The following TRIP12 variants were observed in gnomAD, a reference collection of about 807,000 sequenced individuals.
TRIP12 encodes thyroid hormone receptor interactor 12.
TRIP12 carries 25 observed loss-of-function variants against 244.2 expected under a neutral mutation model. That is an observed-to-expected ratio of 0.10 (90% CI 0.07 to 0.14). The LOEUF (loss-of-function observed/expected upper bound fraction) is 0.14, where lower values mean the gene tolerates loss of function less well. Among genes scored for constraint, TRIP12 ranks in the 10% least tolerant of loss-of-function variants. TRIP12 has a pLI of 1.00. For missense variants in TRIP12, 1,677 were observed against 2,486.4 expected, an observed-to-expected ratio of 0.67 and a Z score of 6.92; for synonymous variants, 905 against 873.1, an observed-to-expected ratio of 1.04 and a Z score of -0.64.
intron 40 of TRIP12, 101 bp downstream of exon 40, chr2:229,769,130 C>A: frequency 1.0e-6 from 1 of 987,226 alleles, no homozygotes; most frequent in Non-Finnish European, 1.5e-6. Flanking sequence ...TGAACCACTC[C>A]AACTTTTGTT....
chr2:229,830,067 G>C (rs1307525417), intron 7 of TRIP12, among the ~76,000 whole-genome samples: 1 of 152,132 alleles, frequency 6.6e-6, no homozygotes, highest in Non-Finnish European at 1.5e-5. Flanking sequence ...TACATTTATT[G>C]TAAGCCTCAC....
chr2:229,867,255 T>A (rs1412419711), intron 2 of TRIP12, among the ~76,000 whole-genome samples: 1 of 150,344 alleles, frequency 6.7e-6, no homozygotes, highest in East Asian at 2.0e-4. Context: ...AACCTCTGCC[T>A]CCTGGGTTCA....
Position 229,765,793 on chromosome 2 carries a change from A to G in TRIP12, c.*1761T>C, listed in dbSNP as rs73099227. 1 of 152,318 alleles carries G rather than the reference A, an allele frequency of 6.6e-6. No homozygotes were observed. The highest frequency in any genetic ancestry group is 2.1e-4 in the South Asian group (1 of 4,832). 9.4% of individuals were successfully genotyped at this position (152,318 alleles called of 1,614,324 possible). ...TCAGCAACTGTGCTGTTAGTGGTGA[A>G]AACTGCAGAAACACAATTCCCTTCT... On this transcript the variant is annotated 3_prime_UTR_variant, in exon 42 of 42. Transcript: ENST00000675903.
chr2:229,891,506 G>A (rs552850367), intron 1 of TRIP12, among the ~76,000 whole-genome samples: 122 of 152,162 alleles, frequency 8.0e-4, no homozygotes, highest in African/African-American at 2.6e-3. Context: ...AGGTGGTGAG[G>A]TGGGAGGACT....
intron 1 of TRIP12, among the ~76,000 whole-genome samples, chr2:229,904,251 C>CACTATGTACTAAAATTTTG (rs1211549530): frequency 1.3e-5 from 2 of 151,724 alleles, no homozygotes; most frequent in Non-Finnish European, 2.9e-5. Context: ...AACCCTGTCT[C>CACTATGTACTAAAATTTTG]TACTAAAACT....
At chr2:229,781,353 C>G (rs2038100173) in intron 34 of TRIP12, among the ~76,000 whole-genome samples, 1 of 152,236 alleles carries the variant, frequency 6.6e-6, no homozygotes, top group African/African-American at 2.4e-5. Context: ...TCTCTCAAAA[C>G]TAACACATAC....
At chr2:229,862,106 G>A (rs1213116393) in intron 2 of TRIP12, among the ~76,000 whole-genome samples, 1 of 152,098 alleles carries the variant, frequency 6.6e-6, no homozygotes, top group African/African-American at 2.4e-5. Context: ...GCCCAGGCTG[G>A]AGTGCAGCGA....
At chr2:229,870,024 T>C (rs976772385) in intron 2 of TRIP12, among the ~76,000 whole-genome samples, 1 of 152,222 alleles carries the variant, frequency 6.6e-6, no homozygotes, top group African/African-American at 2.4e-5. Context: ...CACACCAGGC[T>C]TATCACTGTG....
chr2:229,913,429 A>T (rs1272012028), intron 1 of TRIP12, among the ~76,000 whole-genome samples: 3 of 152,244 alleles, frequency 2.0e-5, no homozygotes, highest in Admixed American at 2.0e-4. Flanking sequence ...ATATTCTGTC[A>T]AGCACAATTG....
intron 2 of TRIP12, among the ~76,000 whole-genome samples, chr2:229,877,047 G>T (rs2063726200): frequency 6.6e-6 from 1 of 150,678 alleles, no homozygotes; most frequent in South Asian, 2.2e-4. Flanking sequence ...AAGTAATTGT[G>T]ATTTTTGCTA....
At chr2:229,913,716 G>C (rs1222163564) in intron 1 of TRIP12, among the ~76,000 whole-genome samples, 1 of 152,136 alleles carries the variant, frequency 6.6e-6, no homozygotes, top group Non-Finnish European at 1.5e-5. Flanking sequence ...TGTCACACCA[G>C]AACACACTAC....
intron 11 of TRIP12, among the ~76,000 whole-genome samples, chr2:229,814,645 C>T (rs989511171): frequency 2.0e-5 from 3 of 152,146 alleles, no homozygotes; most frequent in Admixed American, 6.5e-5. Context: ...TTTAACTTTA[C>T]ACCATACTGC....
intron 2 of TRIP12, among the ~76,000 whole-genome samples, 167 bp from the exon 3 acceptor site, chr2:229,860,698 C>A (rs2060326612): frequency 6.6e-6 from 1 of 152,158 alleles, no homozygotes; most frequent in Admixed American, 6.5e-5. Context: ...ACTAAATAAT[C>A]TGGCAAAAAG....
chr2:229,779,063 T>C (rs1353032297), intron 34 of TRIP12, 73 bp from the exon 35 acceptor site: 13 of 1,199,416 alleles, frequency 1.1e-5, no homozygotes, highest in Admixed American at 1.7e-5. Context: ...CTCTTGGAAA[T>C]GTGCACACTA....
In TRIP12 at chr2:229,766,796, A is replaced by G. The variant is rs1355978032; in HGVS notation, c.*758T>C. 3 of 152,234 alleles carry G rather than the reference A, an allele frequency of 2.0e-5. No homozygotes were observed. The highest frequency in any genetic ancestry group is 4.4e-5 in the Non-Finnish European group (3 of 68,040). 9.4% of individuals were successfully genotyped at this position (152,234 alleles called of 1,614,324 possible). The stretch of plus-strand genomic sequence containing the variant: ...AGAGGCTGTTGCTGCTGGAATTGCC[A>G]TGTAAACAGTCCTTAGTGTGTCACC... On this transcript the variant is annotated 3_prime_UTR_variant, in exon 42 of 42. Transcript: ENST00000675903.
chr2:229,783,809 TTA>T (rs1491418207), intron 34 of TRIP12, among the ~76,000 whole-genome samples: 31 of 140,418 alleles, frequency 2.2e-4, no homozygotes, highest in African/African-American at 8.2e-4. Flanking sequence ...AAACCATCTT[TTA>T]AAAAAAAAAA....
At chr2:229,876,528 T>C (rs1418083026) in intron 2 of TRIP12, among the ~76,000 whole-genome samples, 1 of 152,252 alleles carries the variant, frequency 6.6e-6, no homozygotes. Flanking sequence ...TTAAACTACA[T>C]GAACTACAAC....
intron 4 of TRIP12, among the ~76,000 whole-genome samples, chr2:229,844,716 AGG>A (rs1386558507): frequency 6.7e-6 from 1 of 148,506 alleles, no homozygotes; most frequent in African/African-American, 2.4e-5. Context: ...CGAAGAGGTG[AGG>A]GAAGTGGATT....
intron 26 of TRIP12, among the ~76,000 whole-genome samples, chr2:229,794,323 T>C (rs1454495236): frequency 1.3e-5 from 2 of 152,102 alleles, no homozygotes; most frequent in Non-Finnish European, 2.9e-5. Context: ...TCCCAGCACT[T>C]TGGGAGGCCA....
Sources: gnomAD v4.1 joint callset for allele counts (sites outside exome capture counted in the v4.1 genomes callset) on GRCh38, gnomAD v4.1.1 for gene constraint, MANE v1.5 for transcripts, NCBI Gene and HGNC (gene_info 2026-07-23, HGNC 2026-07-21) for gene names.